The following OSMR variants were observed in gnomAD, a reference collection of about 807,000 sequenced individuals.
The protein encoded by OSMR is oncostatin-M-specific receptor subunit beta.
A neutral mutation model predicts 99.9 loss-of-function variants in OSMR; 81 were observed. The ratio of observed to expected loss-of-function variants is 0.81; its 90% CI spans 0.68 to 0.97. The LOEUF is 0.97. Among genes scored for constraint, OSMR ranks in the 50% least tolerant of loss-of-function variants. OSMR has a pLI of 0.00. For missense variants in OSMR, 1,099 were observed against 1,153.4 expected (o/e 0.95, Z 0.68); for synonymous variants, 406 against 410.4 (o/e 0.99, Z 0.13).
chr5:38,887,851 T>G (rs1743890983), intron 7 of OSMR, among the ~76,000 whole-genome samples: 2 of 152,204 alleles, frequency 1.3e-5, no homozygotes, highest in Admixed American at 6.5e-5. Context: ...AGGCCTCTGT[T>G]AAAATCATTT....
At chr5:38,868,533 A>G (rs2112233147) in intron 1 of OSMR, among the ~76,000 whole-genome samples, 1 of 152,308 alleles carries the variant, frequency 6.6e-6, no homozygotes, top group South Asian at 2.1e-4. Flanking sequence ...TGATGGGCTT[A>G]TCAAGGTTTT....
Position 38,933,464 on chromosome 5 carries a change from C to G in OSMR, c.*20C>G, listed in dbSNP as rs768960449. 5.6e-6 allele frequency: 9 copies of G among 1,613,572 alleles called. No individual in the cohort carries two copies. The highest frequency in any genetic ancestry group is 7.6e-6 in the Non-Finnish European group (9 of 1,179,650). On this transcript the variant is annotated 3_prime_UTR_variant, in exon 18 of 18. Coordinates refer to ENST00000274276, the MANE Select transcript of OSMR (RefSeq NM_003999.3). ...TGCTAACCAGCATGCCGATTTCATA[C>G]CTTATGCTACACAGACATTAAGAAG...
downstream of OSMR, chr5:38,939,415 A>C (rs1263979087): frequency 8.6e-6 from 2 of 232,234 alleles, no homozygotes; most frequent in African/African-American, 4.4e-5. Flanking sequence ...ATATTCTACT[A>C]ATCGTTATTA....
intron 9 of OSMR, among the ~76,000 whole-genome samples, chr5:38,907,287 C>T (rs1022791965): frequency 3.9e-5 from 6 of 152,192 alleles, no homozygotes; most frequent in East Asian, 1.9e-4. Flanking sequence ...CTGCCCCTGC[C>T]GTGGACCTTT....
At chr5:38,936,020 C>CA (rs780129869), downstream of OSMR, among the ~76,000 whole-genome samples, 128 of 152,236 alleles carry the variant, frequency 8.4e-4, no homozygotes, top group Admixed American at 4.4e-3. Flanking sequence ...CCTTAGTTTT[C>CA]AATACTATAT....
At chr5:38,852,712 GTTTTCATTTTTTTTTTTTTTTTTTT>G (rs1740490781) in intron 1 of OSMR, among the ~76,000 whole-genome samples, 2 of 68,924 alleles carry the variant, frequency 2.9e-5, no homozygotes, top group Non-Finnish European at 6.1e-5. Flanking sequence ...TGAAACTATT[GTTTTCATTTTTTTTTTTTTTTTTTT>G]TTTTTTTTTT....
Position 38,881,658 on chromosome 5 carries a change from T to A in OSMR, c.312T>A (p.Pro104=). ...ATTGGAGCTGGGAATCTGAGCTCCC[T>A]TTGGAATGTGCCACACACTTTGTAA... ...VLHWSWESEL[P]LECATHFVRI... The change falls in exon 4 of 18, where the codon CCT becomes CCA. Residue 104 remains proline, a synonymous_variant. Coordinates refer to ENST00000274276, the MANE Select transcript of OSMR (RefSeq NM_003999.3). 2 of 1,614,178 alleles carry A rather than the reference T, an allele frequency of 1.2e-6. No individual in the cohort carries two copies. The highest frequency in any genetic ancestry group is 1.7e-6 in the Non-Finnish European group (2 of 1,179,998).
chr5:38,936,536 T>G (rs1747052286), downstream of OSMR, among the ~76,000 whole-genome samples: 1 of 152,180 alleles, frequency 6.6e-6, no homozygotes, highest in Admixed American at 6.5e-5. Context: ...GCTGAAACGC[T>G]TCCTACATTC....
At chr5:38,919,322 C>G (rs1227333426) in intron 11 of OSMR, 1 of 1,429,122 alleles carries the variant, frequency 7.0e-7, no homozygotes, top group African/African-American at 1.4e-5. Flanking sequence ...GAAATTATCT[C>G]AAATTTATTC....
At chr5:38,863,129 G>A (rs1206667912) in intron 1 of OSMR, among the ~76,000 whole-genome samples, 3 of 144,722 alleles carry the variant, frequency 2.1e-5, no homozygotes, top group South Asian at 4.6e-4. Context: ...GTCCAGCTTC[G>A]GCTCGGCATC....
At chr5:38,865,624 C>CTGG (rs1289514849) in intron 1 of OSMR, among the ~76,000 whole-genome samples, 1 of 152,236 alleles carries the variant, frequency 6.6e-6, no homozygotes, top group Non-Finnish European at 1.5e-5. Context: ...TTGAGCCCCA[C>CTGG]TGGTGGTGGT....
At chr5:38,852,108 T>C (rs560806775) in intron 1 of OSMR, among the ~76,000 whole-genome samples, 37 of 152,354 alleles carry the variant, frequency 2.4e-4, no homozygotes, top group African/African-American at 8.4e-4. Flanking sequence ...TATTTTTCCA[T>C]GTCAGTGCAT....
intron 9 of OSMR, among the ~76,000 whole-genome samples, chr5:38,914,650 A>G (rs1745796461): frequency 6.6e-6 from 1 of 152,242 alleles, no homozygotes; most frequent in East Asian, 1.9e-4. Context: ...CATATACACC[A>G]TGGAATAAAT....
chr5:38,909,283 G>C (rs1280696486), intron 9 of OSMR, among the ~76,000 whole-genome samples: 2 of 152,154 alleles, frequency 1.3e-5, no homozygotes, highest in Non-Finnish European at 2.9e-5. Context: ...CAAGCAACTT[G>C]GAAAACATAT....
intron 11 of OSMR, chr5:38,919,293 G>T (rs1746111844): frequency 6.7e-7 from 1 of 1,490,656 alleles, no homozygotes; most frequent in East Asian, 2.7e-5. Flanking sequence ...CTGTCCAGGG[G>T]ATTCTTCAAC....
chr5:38,901,073 C>T (rs1465807546), intron 7 of OSMR, among the ~76,000 whole-genome samples: 1 of 152,208 alleles, frequency 6.6e-6, no homozygotes, highest in Admixed American at 6.5e-5. Flanking sequence ...TGTGAAAATA[C>T]AGCAAGATAT....
chr5:38,904,277 T>C (rs976010722), intron 8 of OSMR, 76 bp from the exon 9 acceptor site: 1 of 1,553,944 alleles, frequency 6.4e-7, no homozygotes, highest in Admixed American at 2.0e-5. Flanking sequence ...TTTGCCTTTG[T>C]AATGGGATGC....
intron 7 of OSMR, among the ~76,000 whole-genome samples, chr5:38,887,238 T>A (rs1743844765): frequency 6.6e-6 from 1 of 152,226 alleles, no homozygotes; most frequent in African/African-American, 2.4e-5. Flanking sequence ...CAAAAGTTTA[T>A]CATTTTTAAA....
intron 11 of OSMR, 87 bp from the exon 12 acceptor site, chr5:38,921,528 A>C (rs2112650880): frequency 6.3e-7 from 1 of 1,597,994 alleles, no homozygotes; most frequent in South Asian, 1.1e-5. Context: ...GATACAGTGC[A>C]TGTATGTATT....
Sources: gnomAD v4.1 joint callset for allele counts (sites outside exome capture counted in the v4.1 genomes callset) on GRCh38, gnomAD v4.1.1 for gene constraint, MANE v1.5 for transcripts, NCBI Gene and HGNC (gene_info 2026-07-23, HGNC 2026-07-21) for gene names.